ZNF318: variants seen among roughly 807,000 people sequenced by gnomAD.
ZNF318 encodes zinc finger protein 318.
Under a neutral mutation model 124.2 loss-of-function variants are expected in ZNF318, and 51 were observed. That is an observed-to-expected ratio of 0.41 (90% CI 0.33 to 0.52). The LOEUF is 0.52. ZNF318 is among the 20% of genes least tolerant of loss of function. The pLI, the probability that ZNF318 is intolerant of heterozygous loss-of-function variation, is 0.23. For missense variants in ZNF318, 2,815 were observed against 2,811.2 expected (o/e 1.00, Z -0.03); for synonymous variants, 1,090 against 1,040.7 (o/e 1.05, Z -0.91).
chr6:43,364,317 A>T, intron 2 of ZNF318: 1 of 295,060 alleles, frequency 3.4e-6, no homozygotes. Flanking sequence ...AGAAATATAA[A>T]GTGAATTAAG....
chr6:43,369,294 G>A lies in ZNF318; in HGVS notation c.72C>T (p.Arg24=). The change falls in exon 1 of 10, where the codon CGC becomes CGT. Residue 24 remains arginine (R), a synonymous_variant. Transcript: ENST00000361428. ...AGGAGGAGCCAGAGCTGCGGCCGCT[G>A]CGCGGGCCGCCCCCGCCGTCGTCTT... ...RPKDDGGGGP[R]SGRSSGSSSG... is the part of the protein sequence containing the mutation. 6.0e-6 allele frequency: 8 copies of A among 1,340,790 alleles called. No individual in the cohort carries two copies. The highest frequency in any genetic ancestry group is 7.7e-6 in the Non-Finnish European group (8 of 1,039,524). The allele number at this position is 1,340,790 out of a possible 1,614,324, so 83.1% of individuals were successfully genotyped here.
rs1425500882 is a variant in ZNF318 at position 43,357,259 on chromosome 6, G to A, written c.1055C>T (p.Pro352Leu). 2.5e-6 allele frequency: 4 copies of A among 1,614,022 alleles called. No individual in the cohort carries two copies. The highest frequency in any genetic ancestry group is 3.4e-6 in the Non-Finnish European group (4 of 1,180,038). ...TGCTGTTAGGACACCTGACAATCCAGGGATGGAACAGCCAGTACCACCACC... is the reference window on the plus strand; with the variant it reads ...TGCTGTTAGGACACCTGACAATCCAAGGATGGAACAGCCAGTACCACCACC... ...VDGGGTGCSI[P>L]GLSGVLTASE... Residue 352 changes from proline (P) to leucine (L), a missense_variant, in exon 3 of 10, where the codon CCT becomes CTT. Pro to Leu is a moderately conservative substitution (Grantham distance 98, BLOSUM62 -3). Around this residue, in one of 4 missense-constraint regions of ZNF318, gnomAD observed 1,377 missense variants for 1,353.5 expected, o/e 1.02. Coordinates refer to ENST00000361428, the MANE Select transcript of ZNF318 (RefSeq NM_014345.3).
rs535382812 is a variant in ZNF318, at chr6:43,369,254, G to C, written c.112C>G (p.Arg38Gly). ...SSGSSSGPAR[R>G]SSPPPPPSGS... ...GAGGGCGGAGGCGGCGGTGAGCTGC[G>C]GCGAGCCGGGCCTGAGGAGGAGCCA... is the stretch of plus-strand genomic sequence containing the variant. The change falls in exon 1 of 10, where the codon CGC (arginine) becomes GGC (glycine). Residue 38 changes from arginine (R) to glycine (G), a missense_variant. Transcript: ENST00000361428. 4.8e-3 allele frequency: 6,038 copies of C among 1,260,886 alleles called. 30 individuals are homozygous for C. The highest frequency in any genetic ancestry group is 5.0e-3 in the Non-Finnish European group (4,969 of 1,001,922). 78.1% of individuals were successfully genotyped at this position (1,260,886 alleles called of 1,614,324 possible). A position where few individuals can be genotyped will look rare whatever the true frequency, so the allele number is the denominator to read the frequency against.
chr6:43,363,395 C>A, intron 2 of ZNF318: 1 of 164,202 alleles, frequency 6.1e-6, no homozygotes, highest in Non-Finnish European at 1.3e-5. Context: ...TGTTATATGA[C>A]ATAAGACTAT....
At chr6:43,361,315 A>G (rs1779679876) in intron 2 of ZNF318, among the ~76,000 whole-genome samples, 1 of 152,246 alleles carries the variant, frequency 6.6e-6, no homozygotes, top group South Asian at 2.1e-4. Flanking sequence ...CTGTAATCTT[A>G]GCACTTGGAG....
In ZNF318 at chr6:43,342,138, G is replaced by A. The variant is rs763330802; in HGVS notation, c.3350C>T (p.Thr1117Ile). The change falls in exon 8 of 10, where the codon ACT becomes ATT. Residue 1117 changes from threonine (T) to isoleucine (I), a missense_variant. Thr to Ile is a moderately conservative substitution (Grantham distance 89). This residue lies in a region of ZNF318 where 500 missense variants were observed against 605.2 expected (regional missense o/e 0.83). Transcript: ENST00000361428. ...SEAKQDAIKRTDKITVPAKGS... is the reference protein window; with the variant it reads ...SEAKQDAIKRIDKITVPAKGS... ...TTTTGCAGGAACAGTTATCTTGTCA[G>A]TGCGCTTTATGGCATCTTGCTTGGC... The A allele has an allele frequency of 8.1e-6, 13 of 1,614,040 alleles. No individual in the cohort carries two copies. The highest frequency in any genetic ancestry group is 1.1e-5 in the Non-Finnish European group (13 of 1,180,006).
intron 6 of ZNF318, among the ~76,000 whole-genome samples, chr6:43,347,903 G>C (rs142927793): frequency 0.01 from 1,578 of 152,300 alleles, 17 homozygotes; most frequent in Middle Eastern, 0.017. Context: ...AGGGAAAAGA[G>C]TATTTGTAGG....
rs144466488 is a variant in ZNF318 at position 43,354,750 on chromosome 6, G to A, written c.2584C>T (p.Pro862Ser). 5.5e-5 allele frequency: 89 copies of A among 1,614,134 alleles called. No individual in the cohort carries two copies. The East Asian group carries it at 2.0e-3, about 36-fold the overall frequency. Residue 862 changes from proline (P) to serine (S), a missense_variant, in exon 4 of 10, where the codon CCT becomes TCT. Around this residue, in one of 4 missense-constraint regions of ZNF318, gnomAD observed 1,377 missense variants for 1,353.5 expected, o/e 1.02. Transcript: ENST00000361428. The stretch of plus-strand genomic sequence containing the variant: ...AGTGATGGAATGGACACCTGGACAG[G>A]CACTTGGGCCGCAGGAATTGAGCCT... ...LRGSIPAAQV[P>S]VQVSIPSLIR...
At chr6:43,350,952 A>G (rs1779515889) in intron 5 of ZNF318, among the ~76,000 whole-genome samples, 1 of 152,240 alleles carries the variant, frequency 6.6e-6, no homozygotes, top group Non-Finnish European at 1.5e-5. Context: ...TATAAGATTC[A>G]TATTAATTAA....
chr6:43,358,625 C>A (rs1244223077), intron 2 of ZNF318, among the ~76,000 whole-genome samples: 2 of 152,038 alleles, frequency 1.3e-5, no homozygotes, highest in East Asian at 3.9e-4. Flanking sequence ...ATGATCTCGG[C>A]TGACTGCAAC....
intron 4 of ZNF318, among the ~76,000 whole-genome samples, chr6:43,354,279 G>C (rs1779573266): frequency 1.3e-5 from 2 of 152,172 alleles, no homozygotes; most frequent in African/African-American, 4.8e-5. Context: ...TAAGAATACA[G>C]AATTCACTGG....
At position 43,342,986 on chromosome 6, in the gene ZNF318, T is replaced by C. The variant is rs1779391803; in HGVS notation, c.3073-107A>G. 9 of 870,666 alleles carry C rather than the reference T, an allele frequency of 1.0e-5. No homozygotes were observed. In the South Asian group the frequency reaches 1.2e-4, roughly 12 times the overall value. The allele number at this position is 870,666 out of a possible 1,614,324, so 53.9% of individuals were successfully genotyped here. ...TAATAGAAATAGGGCCATATGACCA[T>C]ATTTCCAATGTTTAAAGCTGCACAA... On this transcript the variant is annotated intron_variant, in intron 6 of 9. Transcript: ENST00000361428.
intron 9 of ZNF318, 121 bp from the exon 10 acceptor site, chr6:43,340,623 T>A (rs1779361586): frequency 3.3e-6 from 5 of 1,505,402 alleles, no homozygotes; most frequent in South Asian, 1.4e-5. Context: ...CTCAAGGACA[T>A]ACGGGATGCT....
chr6:43,340,590 T>C (rs1779361351), intron 9 of ZNF318, 88 bp from the exon 10 acceptor site: 2 of 1,493,118 alleles, frequency 1.3e-6, no homozygotes, highest in Non-Finnish European at 1.8e-6. Context: ...ATTCATTTAG[T>C]AGAAATCCCC....
intron 1 of ZNF318, among the ~76,000 whole-genome samples, chr6:43,365,920 T>G (rs566998076): frequency 7.9e-5 from 12 of 152,200 alleles, no homozygotes; most frequent in Non-Finnish European, 1.8e-4. Flanking sequence ...CTAACTCTCC[T>G]AAACGGTGAC....
intron 2 of ZNF318, 143 bp from the exon 3 acceptor site, chr6:43,357,908 C>A: frequency 1.4e-6 from 1 of 734,774 alleles, no homozygotes; most frequent in Non-Finnish European, 2.2e-6. Flanking sequence ...AACATTTCCT[C>A]TCCCTTTCCC....
intron 1 of ZNF318, chr6:43,368,739 G>A (rs1353738789): frequency 1.4e-5 from 14 of 985,370 alleles, no homozygotes; most frequent in African/African-American, 3.5e-5. Flanking sequence ...CTATTCCTAA[G>A]GAACGGAGCG....
rs372151434 is a variant in ZNF318 at position 43,339,667 on chromosome 6, G to A, written c.4331C>T (p.Pro1444Leu). 3.1e-6 allele frequency: 5 copies of A among 1,613,022 alleles called. No individual in the cohort carries two copies. The highest frequency in any genetic ancestry group is 4.2e-6 in the Non-Finnish European group (5 of 1,179,948). The change falls in exon 10 of 10, where the codon CCT becomes CTT. Residue 1444 changes from proline (P) to leucine (L), a missense_variant. Physicochemically the swap from Pro to Leu is moderately conservative, Grantham distance 98 (BLOSUM62 -3). Around this residue, in one of 4 missense-constraint regions of ZNF318, gnomAD observed 500 missense variants for 605.2 expected, o/e 0.83. Coordinates refer to ENST00000361428, the MANE Select transcript of ZNF318 (RefSeq NM_014345.3). The surrounding 1 kb of genome is among the most constrained non-coding windows in gnomAD (Gnocchi z 4.2). ...SHLPEQILPP[P>L]PPPPPPPPPP... is the part of the protein sequence containing the mutation. Reference sequence around the variant, plus strand: ...AGGTGGTGGAGGTGGGGGTGGTGGAGGAGGTGGTAGTATTTGTTCAGGTAA... The same window carrying A: ...AGGTGGTGGAGGTGGGGGTGGTGGAAGAGGTGGTAGTATTTGTTCAGGTAA...
chr6:43,340,431 G>A lies in ZNF318; in HGVS notation c.3567C>T (p.Val1189=), dbSNP rs1779358523. Residue 1189 remains valine, a synonymous_variant, in exon 10 of 10, where the codon GTC becomes GTT. Coordinates refer to ENST00000361428, the MANE Select transcript of ZNF318 (RefSeq NM_014345.3). ...NLDRQAGLAV[V]LETERRRQSE... ...TCTGCCGTCGCCGTTCTGTCTCTAG[G>A]ACCACAGCCAAGCCAGCTTGGCGGT... 6.2e-7 allele frequency: 1 copy of A among 1,613,740 alleles called. No individual in the cohort carries two copies. Among genetic ancestry groups the A allele is most frequent in the South Asian group, 1.1e-5 (1 of 91,064 alleles).
Sources: gnomAD v4.1 joint callset for allele counts (sites outside exome capture counted in the v4.1 genomes callset) on GRCh38, gnomAD v4.1.1 for gene constraint, gnomAD v4.1.1 regional missense constraint, Gnocchi (gnomAD v3.1) non-coding constraint, MANE v1.5 for transcripts, NCBI Gene and HGNC (gene_info 2026-07-23, HGNC 2026-07-21) for gene names.